ACACB: variants seen among roughly 807,000 people sequenced by gnomAD.
ACACB encodes the protein acetyl-CoA carboxylase 2.
ACACB carries 209 observed loss-of-function variants against 278.8 expected under a neutral mutation model. The observed-to-expected ratio is 0.75, with a 90% CI of 0.67 to 0.84. The LOEUF (loss-of-function observed/expected upper bound fraction) is 0.84, where lower values mean the gene tolerates loss of function less well. Ranked by LOEUF, ACACB falls within the 40% of genes least tolerant of loss-of-function variation. The probability of loss-of-function intolerance (pLI) is 0.00; values close to 1 mark genes in which losing one functional copy is unlikely to be tolerated. For synonymous variants in ACACB, 1,174 were observed against 1,285.6 expected, an observed-to-expected ratio of 0.91 and a Z score of 1.86; for missense variants, 2,850 against 3,269.0, an observed-to-expected ratio of 0.87 and a Z score of 3.13.
intron 4 of ACACB, among the ~76,000 whole-genome samples, chr12:109,169,553 G>T (rs918170714): frequency 1.3e-5 from 2 of 152,070 alleles, no homozygotes; most frequent in Non-Finnish European, 2.9e-5. Flanking sequence ...CATCAGCCGG[G>T]TACCAGTCAC....
chr12:109,254,380 T>A (rs1456592967), intron 44 of ACACB, 46 bp downstream of exon 44: 1 of 1,573,118 alleles, frequency 6.4e-7, no homozygotes. Flanking sequence ...CGGGTTTCTT[T>A]CTAGGGCTTG....
intron 28 of ACACB, among the ~76,000 whole-genome samples, chr12:109,230,118 T>C (rs573794418): frequency 6.6e-6 from 1 of 152,336 alleles, no homozygotes; most frequent in East Asian, 1.9e-4. Context: ...GTTCATGCTT[T>C]GGTGAAGCGG....
rs769981426 is a variant in ACACB, at chr12:109,139,665, G to C, written c.260G>C (p.Arg87Pro). The part of the protein sequence containing the change: ...ASHKGPKDAG[R>P]RRNSLPPSHQ... ...CACAAAGGCCCCAAAGATGCCGGTCGGCGGAGAAACTCCCTACCACCCTCC... is the reference window on the plus strand; with the variant it reads ...CACAAAGGCCCCAAAGATGCCGGTCCGCGGAGAAACTCCCTACCACCCTCC... Residue 87 changes from arginine (R) to proline (P), a missense_variant, in exon 2 of 53, where the codon CGG (arginine) becomes CCG (proline). Around this residue, in one of 3 missense-constraint regions of ACACB, gnomAD observed 2,265 missense variants for 2,561.3 expected, o/e 0.88. Coordinates refer to ENST00000338432, the MANE Select transcript of ACACB (RefSeq NM_001093.4). 1.9e-6 allele frequency: 3 copies of C among 1,613,974 alleles called. No individual in the cohort carries two copies. The highest frequency in any genetic ancestry group is 2.7e-5 in the African/African-American group (2 of 74,998).
At position 109,265,280 on chromosome 12, in the gene ACACB, G is replaced by A; in HGVS notation, c.7113G>A (p.Lys2371=). Residue 2371 remains lysine (K), a splice_region_variant and synonymous_variant, in exon 51 of 53, where the codon AAG becomes AAA. Transcript: ENST00000338432. ...TCGTGGAGACGGAGGGGGCTGTCAA[G>A]GTGGGCCTGGGGTGAGAACGAGGCC... ...RWFVETEGAV[K]AYLWDNNQVV... 2 of 1,612,720 alleles carry A rather than the reference G, an allele frequency of 1.2e-6. No individual in the cohort carries two copies. Among genetic ancestry groups the A allele is most frequent in the East Asian group, 2.2e-5 (1 of 44,868 alleles).
At position 109,258,359 on chromosome 12, in the gene ACACB, G is replaced by A. The variant is rs1387119399; in HGVS notation, c.6355G>A (p.Ala2119Thr). Residue 2119 changes from alanine (A) to threonine (T), a missense_variant, in exon 46 of 53, where the codon GCC (alanine) becomes ACC (threonine). By Grantham distance (58) the Ala-to-Thr change is moderately conservative. Transcript: ENST00000338432. ...AGACCCTGCCAACCTGGATTCTGAG[G>A]CCAAGGTGAGGGGGCCGGGAGCTGT... The part of the protein sequence containing the change: ...PADPANLDSE[A>T]KIIQQAGQVW... 1 of 1,610,856 alleles carries A rather than the reference G, an allele frequency of 6.2e-7. No homozygotes were observed.
intron 24 of ACACB, among the ~76,000 whole-genome samples, chr12:109,222,257 C>T (rs1460202277): frequency 1.4e-5 from 2 of 147,324 alleles, no homozygotes; most frequent in African/African-American, 4.9e-5. Flanking sequence ...TCTTACCAGG[C>T]ATTTAGGGCA....
intron 4 of ACACB, among the ~76,000 whole-genome samples, chr12:109,170,959 C>T (rs557369994): frequency 7.2e-5 from 11 of 151,854 alleles, no homozygotes; most frequent in Middle Eastern, 3.4e-3. Flanking sequence ...GCCTTGGCCT[C>T]CCAAGTAGCT....
chr12:109,259,908 C>T (rs1165889953), intron 47 of ACACB, among the ~76,000 whole-genome samples: 1 of 152,202 alleles, frequency 6.6e-6, no homozygotes, highest in Non-Finnish European at 1.5e-5. Context: ...TCCTTGTTAA[C>T]TGGGTGACAT....
chr12:109,203,608 G>T (rs1476699925), intron 19 of ACACB, among the ~76,000 whole-genome samples: 1 of 152,238 alleles, frequency 6.6e-6, no homozygotes. Flanking sequence ...CATCAGAGGT[G>T]CTCTGTAAAT....
chr12:109,211,555 G>A (rs1470782480), intron 21 of ACACB, among the ~76,000 whole-genome samples: 1 of 152,018 alleles, frequency 6.6e-6, no homozygotes, highest in Non-Finnish European at 1.5e-5. Flanking sequence ...GCCCAGCCCT[G>A]TGTGATTCCA....
At chr12:109,251,987 C>A in intron 41 of ACACB, 59 bp from the exon 42 acceptor site, 2 of 1,332,634 alleles carry the variant, frequency 1.5e-6, no homozygotes, top group Non-Finnish European at 1.0e-6. Flanking sequence ...CTCTTCCCTG[C>A]TGTGGGGGGT....
At chr12:109,152,355 G>T (rs535433902) in intron 2 of ACACB, among the ~76,000 whole-genome samples, 3 of 152,092 alleles carry the variant, frequency 2.0e-5, no homozygotes, top group African/African-American at 7.2e-5. Context: ...TGTTGGTTTT[G>T]GTTTGAATCT....
intron 2 of ACACB, among the ~76,000 whole-genome samples, 185 bp from the exon 3 acceptor site, chr12:109,166,676 A>AC (rs2043914273): frequency 1.1e-5 from 1 of 89,320 alleles, no homozygotes; most frequent in African/African-American, 3.8e-5. Context: ...AAAAAAAAAA[A>AC]ACCGAAGGTG....
At chr12:109,229,655 G>T (rs2046413227) in intron 28 of ACACB, among the ~76,000 whole-genome samples, 1 of 152,072 alleles carries the variant, frequency 6.6e-6, no homozygotes, top group South Asian at 2.1e-4. Context: ...TCAGCCTCCT[G>T]AGTAGCTGGG....
At chr12:109,213,981 G>A (rs368742966) in intron 22 of ACACB, among the ~76,000 whole-genome samples, 42 of 152,176 alleles carry the variant, frequency 2.8e-4, no homozygotes, top group African/African-American at 9.4e-4. Flanking sequence ...AGGGCCAGGC[G>A]CTGTGGCTTA....
At position 109,127,340 on chromosome 12, in the gene ACACB, G is replaced by T. The variant is rs186677365; in HGVS notation, c.-10+10636G>T. ...ATGCTTATAGTGGAAGGCATTATTGGTATTATTAATTATTAGGACAAAGCT... is the reference window on the plus strand; with the variant it reads ...ATGCTTATAGTGGAAGGCATTATTGTTATTATTAATTATTAGGACAAAGCT... On this transcript the variant is annotated intron_variant, in intron 1 of 52. Coordinates refer to ENST00000338432, the MANE Select transcript of ACACB (RefSeq NM_001093.4). Among the ~76,000 whole-genome samples, 3 of 151,718 alleles carry T rather than the reference G, an allele frequency of 2.0e-5. No individual in the cohort carries two copies. In the East Asian group the frequency reaches 5.8e-4, roughly 29 times the overall value.
intron 31 of ACACB, among the ~76,000 whole-genome samples, chr12:109,235,035 AC>A (rs1331951921): frequency 1.3e-5 from 2 of 151,854 alleles, no homozygotes; most frequent in East Asian, 1.9e-4. Context: ...CCATAGAAAA[AC>A]CCTGTACCTG....
intron 52 of ACACB, 57 bp downstream of exon 52, chr12:109,265,582 G>T: frequency 6.3e-7 from 1 of 1,588,626 alleles, no homozygotes; most frequent in Non-Finnish European, 8.6e-7. Flanking sequence ...AGCCTGGATT[G>T]ACCCCTAGCT....
intron 12 of ACACB, 121 bp downstream of exon 12, chr12:109,185,861 G>A (rs990131779): frequency 3.3e-5 from 30 of 922,276 alleles, no homozygotes; most frequent in Non-Finnish European, 4.5e-5. Context: ...TTACAAATGG[G>A]GAAACTGAGG....
Sources: gnomAD v4.1 joint callset for allele counts (sites outside exome capture counted in the v4.1 genomes callset) on GRCh38, gnomAD v4.1.1 for gene constraint, gnomAD v4.1.1 regional missense constraint, MANE v1.5 for transcripts, NCBI Gene and HGNC (gene_info 2026-07-23, HGNC 2026-07-21) for gene names.